Variants in GAS7 observed in about 807,000 individuals in gnomAD.
GAS7 encodes growth arrest specific 7.
A neutral mutation model predicts 71.1 loss-of-function variants in GAS7; 28 were observed. The observed-to-expected ratio is 0.39, with a 90% CI of 0.29 to 0.54. GAS7 has a LOEUF of 0.54. Among genes scored for constraint, GAS7 ranks in the 20% least tolerant of loss-of-function variants. The probability of loss-of-function intolerance (pLI) is 0.62; values close to 1 mark genes in which losing one functional copy is unlikely to be tolerated. For missense variants in GAS7, 436 were observed against 627.8 expected (o/e 0.69, Z 3.27); for synonymous variants, 258 against 245.8 (o/e 1.05, Z -0.46).
At chr17:10,164,020 T>G (rs1274126957) in intron 1 of GAS7, among the ~76,000 whole-genome samples, 1 of 152,146 alleles carries the variant, frequency 6.6e-6, no homozygotes. Flanking sequence ...AGCTCAGATT[T>G]CTCAGTTTCT....
intron 7 of GAS7, among the ~76,000 whole-genome samples, chr17:9,942,443 T>C (rs188521179): frequency 6.6e-6 from 1 of 151,974 alleles, no homozygotes; most frequent in African/African-American, 2.4e-5. Flanking sequence ...AGGAAGGAGA[T>C]AGAGAAGGAA....
At chr17:9,961,702 T>C (rs1183423825) in intron 4 of GAS7, among the ~76,000 whole-genome samples, 3 of 152,216 alleles carry the variant, frequency 2.0e-5, no homozygotes, top group Non-Finnish European at 4.4e-5. Context: ...TTTAATCTCA[T>C]TTCATCCTTA....
At chr17:10,176,587 C>T (rs1567621351) in intron 1 of GAS7, among the ~76,000 whole-genome samples, 1 of 152,136 alleles carries the variant, frequency 6.6e-6, no homozygotes, top group African/African-American at 2.4e-5. Flanking sequence ...GGCCAAAGAG[C>T]CAATAACTCT....
intron 1 of GAS7, among the ~76,000 whole-genome samples, chr17:10,104,832 G>A (rs747791574): frequency 6.6e-6 from 1 of 151,630 alleles, no homozygotes; most frequent in Non-Finnish European, 1.5e-5. Flanking sequence ...ACATTATTAC[G>A]ATGATCTTCT....
chr17:9,978,358 A>T (rs2070287445), intron 3 of GAS7, among the ~76,000 whole-genome samples: 1 of 149,522 alleles, frequency 6.7e-6, no homozygotes, highest in Admixed American at 6.8e-5. Context: ...TTGTAATTTC[A>T]CAAATCTAGG....
intron 1 of GAS7, among the ~76,000 whole-genome samples, chr17:10,100,143 T>C (rs1288898174): frequency 2.0e-5 from 3 of 152,220 alleles, no homozygotes; most frequent in Non-Finnish European, 4.4e-5. Context: ...GGATTTAAAA[T>C]ATAATTGAAC....
chr17:10,097,773 G>A (rs2073657532), intron 1 of GAS7, among the ~76,000 whole-genome samples: 1 of 152,146 alleles, frequency 6.6e-6, no homozygotes, highest in South Asian at 2.1e-4. Flanking sequence ...GCCAGGCACG[G>A]TGGCTCACCC....
intron 1 of GAS7, among the ~76,000 whole-genome samples, chr17:10,071,564 C>A (rs1254228642): frequency 6.6e-6 from 1 of 152,112 alleles, no homozygotes; most frequent in East Asian, 1.9e-4. Context: ...GCTTGACCTG[C>A]AGACCTTTTT....
chr17:10,044,361 G>A (rs944103186), intron 1 of GAS7, among the ~76,000 whole-genome samples: 2 of 152,112 alleles, frequency 1.3e-5, no homozygotes, highest in Non-Finnish European at 2.9e-5. Flanking sequence ...AACAACTAGG[G>A]GTGGCCATGA....
In GAS7 at chr17:9,934,202, C is replaced by A; in HGVS notation, c.849G>T (p.Ala283=). 6.2e-7 allele frequency: 1 copy of A among 1,613,242 alleles called. No individual in the cohort carries two copies. The highest frequency in any genetic ancestry group is 8.5e-7 in the Non-Finnish European group (1 of 1,179,304). The part of the protein sequence containing the change: ...EAWAQVKKSL[A]DEAEVHLKFS... ...ACTTGAGGTGAACTTCTGCTTCGTC[C>A]GCCAGGCTCTTCTTCACCTGGGCCC... The change falls in exon 9 of 14, where the codon GCG becomes GCT. Residue 283 remains alanine, a synonymous_variant. Coordinates refer to ENST00000432992, the MANE Select transcript of GAS7 (RefSeq NM_201433.2).
At chr17:9,925,425 C>A (rs2067963572) in intron 11 of GAS7, 51 bp downstream of exon 11, 1 of 1,593,128 alleles carries the variant, frequency 6.3e-7, no homozygotes, top group Non-Finnish European at 8.6e-7. Flanking sequence ...TAGCCCCGTG[C>A]CCTCTCCTTC....
At chr17:10,130,163 A>C (rs2073984972) in intron 1 of GAS7, among the ~76,000 whole-genome samples, 1 of 150,428 alleles carries the variant, frequency 6.6e-6, no homozygotes, top group Non-Finnish European at 1.5e-5. Flanking sequence ...AGCAAGACTC[A>C]GCCTCAAAAA....
At chr17:10,077,732 C>A (rs9894875) in intron 1 of GAS7, among the ~76,000 whole-genome samples, 80,806 of 152,160 alleles carry the variant, frequency 0.53, 22,359 homozygotes, top group African/African-American at 0.67. Flanking sequence ...AATGAGGCAA[C>A]TTGTTTACAT....
chr17:9,931,756 C>G (rs16959038), intron 9 of GAS7, among the ~76,000 whole-genome samples: 7,602 of 152,244 alleles, frequency 0.05, 603 homozygotes, highest in African/African-American at 0.17. Flanking sequence ...AATTCTCACT[C>G]ACATCTGGGT....
chr17:9,964,539 C>A (rs967573201), intron 4 of GAS7, among the ~76,000 whole-genome samples: 3 of 152,198 alleles, frequency 2.0e-5, no homozygotes, highest in Non-Finnish European at 4.4e-5. Flanking sequence ...TGCCTCCAGG[C>A]ATCCACGATG....
intron 8 of GAS7, among the ~76,000 whole-genome samples, chr17:9,938,710 G>A (rs1376793445): frequency 2.0e-5 from 3 of 152,046 alleles, no homozygotes; most frequent in Non-Finnish European, 4.4e-5. Context: ...ACATCTTGTG[G>A]CAGCCCAAGC....
intron 5 of GAS7, among the ~76,000 whole-genome samples, chr17:9,954,000 C>A (rs1399652604): frequency 6.6e-6 from 1 of 152,078 alleles, no homozygotes; most frequent in Non-Finnish European, 1.5e-5. Context: ...GTGGAGTAAG[C>A]CTGAGGTGCT....
At chr17:10,117,047 C>T (rs189644797) in intron 1 of GAS7, among the ~76,000 whole-genome samples, 1 of 152,262 alleles carries the variant, frequency 6.6e-6, no homozygotes, top group East Asian at 1.9e-4. Flanking sequence ...TCTTACAGTT[C>T]TGGAGGTCAA....
At chr17:10,063,057 GTGCTCCCACTTACCTGC>G (rs1184701540) in intron 1 of GAS7, among the ~76,000 whole-genome samples, 1 of 152,266 alleles carries the variant, frequency 6.6e-6, no homozygotes, top group East Asian at 1.9e-4. Context: ...GCCTCGCTCT[GTGCTCCCACTTACCTGC>G]TGGCTGGGTT....
Sources: gnomAD v4.1 joint callset for allele counts (sites outside exome capture counted in the v4.1 genomes callset) on GRCh38, gnomAD v4.1.1 for gene constraint, MANE v1.5 for transcripts, NCBI Gene and HGNC (gene_info 2026-07-23, HGNC 2026-07-21) for gene names.